Variants in C1orf174 observed in about 807,000 individuals in gnomAD.
The protein encoded by C1orf174 is UPF0688 protein C1orf174.
Under a neutral mutation model 18.4 loss-of-function variants are expected in C1orf174, and 13 were observed. That is an observed-to-expected ratio of 0.71 (90% CI 0.46 to 1.12). The LOEUF is 1.12. C1orf174 is among the 50% of genes most tolerant of loss of function. The pLI, the probability that C1orf174 is intolerant of heterozygous loss-of-function variation, is 0.00. For missense variants in C1orf174, 309 were observed against 308.0 expected, an observed-to-expected ratio of 1.00 and a Z score of -0.02; for synonymous variants, 100 against 118.3, an observed-to-expected ratio of 0.85 and a Z score of 1.01.
intron 1 of C1orf174, among the ~76,000 whole-genome samples, chr1:3,896,466 A>T (rs2124787127): frequency 6.6e-6 from 1 of 152,338 alleles, no homozygotes; most frequent in East Asian, 1.9e-4. Context: ...CCTCAGCTGC[A>T]GGCCCTGGCT....
intron 1 of C1orf174, among the ~76,000 whole-genome samples, chr1:3,896,453 T>C (rs559593046): frequency 6.6e-6 from 1 of 152,366 alleles, no homozygotes; most frequent in African/African-American, 2.4e-5. Flanking sequence ...AGCCCATTAC[T>C]GTCCTCAGCT....
At position 3,900,268 on chromosome 1, in the gene C1orf174, G is replaced by T. The variant is rs1015407180; in HGVS notation, c.-82C>A. On this transcript the variant is annotated 5_prime_UTR_variant, in exon 1 of 4. Coordinates refer to ENST00000361605, the MANE Select transcript of C1orf174 (RefSeq NM_207356.3). ...CGGCGACCCGGAGTCTGCAGAGCGC[G>T]CCGCGGCGGCGTCCGACGTCAGCAC... 1.4e-6 allele frequency: 2 copies of T among 1,438,038 alleles called. No individual in the cohort carries two copies. The highest frequency in any genetic ancestry group is 2.8e-5 in the Admixed American group (1 of 35,608). 89.1% of individuals were successfully genotyped at this position (1,438,038 alleles called of 1,614,324 possible). A position where few individuals can be genotyped will look rare whatever the true frequency, so the allele number is the denominator to read the frequency against.
chr1:3,893,216 G>C (rs1234959132), intron 1 of C1orf174, among the ~76,000 whole-genome samples: 5 of 152,174 alleles, frequency 3.3e-5, no homozygotes, highest in African/African-American at 1.2e-4. Context: ...TTGGAGGCTT[G>C]GGACGATCTG....
rs555579691 is a variant in C1orf174, at chr1:3,890,086, G to A, written c.619-13C>T. 3.1e-6 allele frequency: 5 copies of A among 1,605,152 alleles called. No individual in the cohort carries two copies. The South Asian group carries it at 3.3e-5, about 11-fold the overall frequency. On this transcript the variant is annotated splice_polypyrimidine_tract_variant and intron_variant, in intron 3 of 3. Transcript: ENST00000361605. ...CAGGTGGGAGGTCCTTAGTGGAGAA[G>A]AAAACATGACTTCAGTCATGAGCAA...
Position 3,890,849 on chromosome 1 carries a change from T to C in C1orf174, c.338A>G (p.Gln113Arg). ...GAGAGGAAGACTTGCAGCCCCCTGC[T>C]GCACAGAAACGCCAGCCTCGCTGCC... ...LPGSEAGVSVQQGAASLPLGG... is the reference protein window; with the variant it reads ...LPGSEAGVSVRQGAASLPLGG... The change falls in exon 3 of 4, where the codon CAG (glutamine) becomes CGG (arginine). Residue 113 changes from glutamine (Q) to arginine (R), a missense_variant. Gln to Arg is a conservative substitution (Grantham distance 43). Transcript: ENST00000361605. 1 of 1,613,026 alleles carries C rather than the reference T, an allele frequency of 6.2e-7. No individual in the cohort carries two copies. The highest frequency in any genetic ancestry group is 1.3e-5 in the African/African-American group (1 of 74,808).
At chr1:3,898,237 C>G (rs1444601316) in intron 1 of C1orf174, among the ~76,000 whole-genome samples, 2 of 152,122 alleles carry the variant, frequency 1.3e-5, no homozygotes, top group Non-Finnish European at 2.9e-5. Context: ...ATGGGCTGGG[C>G]ATGGTGGCTC....
intron 1 of C1orf174, among the ~76,000 whole-genome samples, chr1:3,896,611 G>A (rs1176124878): frequency 2.6e-5 from 4 of 152,216 alleles, no homozygotes; most frequent in African/African-American, 9.6e-5. Flanking sequence ...CGTGGATGCT[G>A]TGACGAAGGG....
In C1orf174 at chr1:3,892,868, G is replaced by C. The variant is rs372871626; in HGVS notation, c.129+15C>G. On this transcript the variant is annotated intron_variant, in intron 2 of 3. Transcript: ENST00000361605. The stretch of plus-strand genomic sequence containing the variant: ...GAGTCAGGATCTTGGCGTTCTCCAC[G>C]GTAACAGGGCTCACCAGACATGCTG... The C allele has an allele frequency of 3.1e-6, 5 of 1,613,190 alleles. No homozygotes were observed. The highest frequency in any genetic ancestry group is 1.7e-4 in the Middle Eastern group (1 of 6,054).
At chr1:3,890,525 C>T in intron 3 of C1orf174, 44 bp downstream of exon 3, 2 of 1,603,548 alleles carry the variant, frequency 1.2e-6, no homozygotes, top group Non-Finnish European at 1.7e-6. Flanking sequence ...GAATGTGCAG[C>T]TGCTGCCTGA....
intron 1 of C1orf174, among the ~76,000 whole-genome samples, chr1:3,897,095 CA>C (rs1408397236): frequency 6.6e-6 from 1 of 151,950 alleles, no homozygotes; most frequent in African/African-American, 2.4e-5. Context: ...TCTAAAATGT[CA>C]AAAAAATTAT....
At position 3,890,964 on chromosome 1, in the gene C1orf174, C is replaced by T. The variant is rs1557738617; in HGVS notation, c.223G>A (p.Val75Ile). The part of the protein sequence containing the change: ...HLVKSELQKL[V>I]PKNDSASLPK... ...AAAGAAGCGCTGTCATTCTTAGGGA[C>T]AAGCTTCTGTAATTCTGACTTCACA... The change falls in exon 3 of 4, where the codon GTC becomes ATC. Residue 75 changes from valine (V) to isoleucine (I), a missense_variant. Transcript: ENST00000361605. 1 of 1,614,206 alleles carries T rather than the reference C, an allele frequency of 6.2e-7. No homozygotes were observed. The highest frequency in any genetic ancestry group is 8.5e-7 in the Non-Finnish European group (1 of 1,180,046).
chr1:3,899,569 G>T (rs2124789885), intron 1 of C1orf174, among the ~76,000 whole-genome samples: 1 of 152,346 alleles, frequency 6.6e-6, no homozygotes, highest in African/African-American at 2.4e-5. Flanking sequence ...ACATTCAGTA[G>T]ATGGGGCCAA....
chr1:3,891,007 T>C lies in C1orf174; in HGVS notation c.180A>G (p.Lys60=). The change falls in exon 3 of 4, where the codon AAA becomes AAG. Residue 60 remains lysine (K), a synonymous_variant. Transcript: ENST00000361605. ...ATDTRTSKKF[K]CDKGHLVKSE... ...ACTTCACAAGATGTCCTTTGTCACATTTGAACTTCTTGGACGTTCGCGTGT... is the reference window on the plus strand; with the variant it reads ...ACTTCACAAGATGTCCTTTGTCACACTTGAACTTCTTGGACGTTCGCGTGT... 2.0e-5 allele frequency: 33 copies of C among 1,614,070 alleles called. No homozygotes were observed. The highest frequency in any genetic ancestry group is 2.8e-5 in the Non-Finnish European group (33 of 1,179,994).
chr1:3,899,492 A>G (rs1284022269), intron 1 of C1orf174, among the ~76,000 whole-genome samples: 1 of 90,516 alleles, frequency 1.1e-5, no homozygotes, highest in Non-Finnish European at 2.2e-5. Context: ...GCCCCTTGCC[A>G]GACACTGGCA....
chr1:3,890,101 G>A, intron 3 of C1orf174, 28 bp from the exon 4 acceptor site: 1 of 1,575,646 alleles, frequency 6.3e-7, no homozygotes, highest in East Asian at 2.2e-5. Flanking sequence ...CATGACTTCA[G>A]TCATGAGCAA....
chr1:3,890,152 G>A lies in C1orf174; in HGVS notation c.619-79C>T, dbSNP rs545873976. 74 of 1,116,524 alleles carry A rather than the reference G, an allele frequency of 6.6e-5. No individual in the cohort carries two copies. In the African/African-American group the frequency reaches 8.9e-4, roughly 13 times the overall value. 69.2% of individuals were successfully genotyped at this position (1,116,524 alleles called of 1,614,324 possible). ...GCATTTGCAATGTGCCCCACCCAGCGGCTCTAGGGCTCGCAGAGCGCTCTT... is the reference window on the plus strand; with the variant it reads ...GCATTTGCAATGTGCCCCACCCAGCAGCTCTAGGGCTCGCAGAGCGCTCTT... On this transcript the variant is annotated intron_variant, in intron 3 of 3. Coordinates refer to ENST00000361605, the MANE Select transcript of C1orf174 (RefSeq NM_207356.3).
rs756733818 is a variant in C1orf174 at position 3,890,833 on chromosome 1, A to G, written c.354T>C (p.Ser118=). The G allele has an allele frequency of 1.2e-6, 2 of 1,613,466 alleles. No individual in the cohort carries two copies. The highest frequency in any genetic ancestry group is 4.5e-5 in the East Asian group (2 of 44,870). Residue 118 remains serine, a synonymous_variant, in exon 3 of 4, where the codon AGT becomes AGC. Transcript: ENST00000361605. ...AGVSVQQGAA[S]LPLGGCRVVS... is the part of the protein sequence containing the mutation. Reference sequence around the variant, plus strand: ...CAACTCTGCAGCCACCGAGAGGAAGACTTGCAGCCCCCTGCTGCACAGAAA... The same window carrying G: ...CAACTCTGCAGCCACCGAGAGGAAGGCTTGCAGCCCCCTGCTGCACAGAAA...
At chr1:3,900,123 A>G in intron 1 of C1orf174, 49 bp downstream of exon 1, 1 of 1,562,652 alleles carries the variant, frequency 6.4e-7, no homozygotes, top group Non-Finnish European at 8.6e-7. Context: ...CAGGTGACCC[A>G]GAGTCCCCGC....
intron 1 of C1orf174, 51 bp downstream of exon 1, chr1:3,900,121 C>T (rs748923197): frequency 6.4e-7 from 1 of 1,561,212 alleles, no homozygotes; most frequent in South Asian, 1.2e-5. Context: ...AGCAGGTGAC[C>T]CAGAGTCCCC....
Sources: gnomAD v4.1 joint callset for allele counts (sites outside exome capture counted in the v4.1 genomes callset) on GRCh38, gnomAD v4.1.1 for gene constraint, MANE v1.5 for transcripts, NCBI Gene and HGNC (gene_info 2026-07-23, HGNC 2026-07-21) for gene names.